The following LPP variants were observed in gnomAD, a reference collection of about 807,000 sequenced individuals.
The protein encoded by LPP is LIM domain containing preferred translocation partner in lipoma.
A neutral mutation model predicts 60.4 loss-of-function variants in LPP; 38 were observed. That is an observed-to-expected ratio of 0.63 (90% CI 0.49 to 0.83). LPP has a LOEUF of 0.83. Among genes scored for constraint, LPP ranks in the 40% least tolerant of loss-of-function variants. The pLI is 0.00. For synonymous variants in LPP, 328 were observed against 290.8 expected, an observed-to-expected ratio of 1.13 and a Z score of -1.30; for missense variants, 902 against 783.6, an observed-to-expected ratio of 1.15 and a Z score of -1.80.
chr3:188,204,153 C>T (rs996461564), intron 1 of LPP, among the ~76,000 whole-genome samples: 2 of 152,112 alleles, frequency 1.3e-5, no homozygotes, highest in African/African-American at 2.4e-5. Flanking sequence ...TTTGGAGGTA[C>T]AGCACAAGGC....
At position 188,606,450 on chromosome 3, in the gene LPP, T is replaced by C. The variant is rs577099434; in HGVS notation, c.430-2711T>C. ...AGCTCTTGGATAGAGTGGTATCTTT[T>C]TGTTTGGTTGGTTTTTGTGTTTTGT... On this transcript the variant is annotated intron_variant, in intron 6 of 11. Coordinates refer to ENST00000617246, the MANE Select transcript of LPP (RefSeq NM_001375462.1). 1.0e-3 allele frequency among the ~76,000 whole-genome samples: 157 copies of C among 152,260 alleles called. 3 individuals are homozygous for C. Among genetic ancestry groups the C allele is most frequent in the African/African-American group, 3.7e-3 (153 of 41,568 alleles).
At chr3:188,325,486 C>T (rs1758165601) in intron 2 of LPP, among the ~76,000 whole-genome samples, 1 of 152,150 alleles carries the variant, frequency 6.6e-6, no homozygotes, top group Non-Finnish European at 1.5e-5. Flanking sequence ...TAAAGTAGCA[C>T]ACATACCCCC....
At chr3:188,577,803 C>T (rs9863042) in intron 6 of LPP, among the ~76,000 whole-genome samples, 2,614 of 122,524 alleles carry the variant, frequency 0.021, 95 homozygotes, top group African/African-American at 0.072. Flanking sequence ...CCCTCCCTCC[C>T]TCCTTCCTCC....
At chr3:188,867,736 G>A (rs1332479130) in intron 10 of LPP, among the ~76,000 whole-genome samples, 1 of 152,214 alleles carries the variant, frequency 6.6e-6, no homozygotes, top group East Asian at 1.9e-4. Context: ...TTGCTGGGCA[G>A]TGGCTTTGAA....
At chr3:188,522,807 ATATATATATGTGTATGTGTG>A (rs1417364166) in intron 5 of LPP, among the ~76,000 whole-genome samples, 16 of 133,264 alleles carry the variant, frequency 1.2e-4, no homozygotes, top group Middle Eastern at 8.1e-3. Flanking sequence ...ATATATATAT[ATATATATATGTGTATGTGTG>A]TGTGTATGTG....
intron 4 of LPP, among the ~76,000 whole-genome samples, chr3:188,421,196 T>C (rs540039370): frequency 4.6e-5 from 7 of 152,288 alleles, no homozygotes; most frequent in African/African-American, 1.7e-4. Flanking sequence ...CTATTAACCA[T>C]GTATTTTTAT....
At chr3:188,808,549 A>G (rs1025100981) in intron 9 of LPP, among the ~76,000 whole-genome samples, 2 of 152,044 alleles carry the variant, frequency 1.3e-5, no homozygotes, top group Non-Finnish European at 2.9e-5. Flanking sequence ...CTTTATTCCA[A>G]AGGGACAATC....
At chr3:188,616,089 C>T (rs1844794651) in intron 7 of LPP, among the ~76,000 whole-genome samples, 1 of 152,062 alleles carries the variant, frequency 6.6e-6, no homozygotes, top group Non-Finnish European at 1.5e-5. Context: ...AGTTTAGTTA[C>T]ATCCCATTTG....
At chr3:188,705,698 A>T (rs1865352593) in intron 7 of LPP, among the ~76,000 whole-genome samples, 1 of 151,784 alleles carries the variant, frequency 6.6e-6, no homozygotes, top group Non-Finnish European at 1.5e-5. Context: ...TCTTGGCTCA[A>T]ACTGTACCAC....
intron 5 of LPP, among the ~76,000 whole-genome samples, chr3:188,517,395 C>T (rs1817664944): frequency 6.6e-6 from 1 of 152,178 alleles, no homozygotes; most frequent in Admixed American, 6.5e-5. Context: ...AAAATGATTA[C>T]ACTTTCAAGA....
At chr3:188,211,762 ATT>A (rs1734758224) in intron 1 of LPP, among the ~76,000 whole-genome samples, 2 of 151,678 alleles carry the variant, frequency 1.3e-5, no homozygotes, top group South Asian at 4.2e-4. Context: ...GCCAAATTAC[ATT>A]CTCAGGAGGA....
chr3:188,197,794 A>G (rs1729956542), intron 1 of LPP, among the ~76,000 whole-genome samples: 1 of 152,134 alleles, frequency 6.6e-6, no homozygotes, highest in South Asian at 2.1e-4. Flanking sequence ...ATCCTGTGAT[A>G]CCCAGAAAGC....
At chr3:188,164,122 G>A (rs1719228683) in intron 1 of LPP, among the ~76,000 whole-genome samples, 1 of 152,290 alleles carries the variant, frequency 6.6e-6, no homozygotes, top group South Asian at 2.1e-4. Flanking sequence ...CGCATGTGAA[G>A]GACTGATGGA....
intron 9 of LPP, among the ~76,000 whole-genome samples, chr3:188,860,141 A>T (rs1351926719): frequency 2.0e-5 from 3 of 151,996 alleles, no homozygotes; most frequent in African/African-American, 7.3e-5. Context: ...GTATAGGGTC[A>T]TTAGAACTAC....
At chr3:188,575,947 G>T (rs1834515710) in intron 6 of LPP, among the ~76,000 whole-genome samples, 1 of 152,236 alleles carries the variant, frequency 6.6e-6, no homozygotes, top group Admixed American at 6.5e-5. Flanking sequence ...TGAGCTTTCA[G>T]TAGTGAGTAG....
intron 2 of LPP, among the ~76,000 whole-genome samples, chr3:188,297,708 G>C (rs1379736125): frequency 6.6e-6 from 1 of 152,162 alleles, no homozygotes; most frequent in African/African-American, 2.4e-5. Context: ...ACTGGGGCTA[G>C]GTTTCATTAC....
chr3:188,240,863 G>C (rs1396788040), intron 2 of LPP, among the ~76,000 whole-genome samples: 1 of 152,168 alleles, frequency 6.6e-6, no homozygotes, highest in Admixed American at 6.5e-5. Context: ...CTCCCTATTG[G>C]CTATATTAAA....
chr3:188,624,253 A>G (rs1263758432), intron 7 of LPP, among the ~76,000 whole-genome samples: 1 of 152,214 alleles, frequency 6.6e-6, no homozygotes, highest in Non-Finnish European at 1.5e-5. Context: ...AAGAAATTAT[A>G]TCACCGTTGA....
In LPP at chr3:188,572,482, G is replaced by C. The variant is rs188487931; in HGVS notation, c.430-36679G>C. Among the ~76,000 whole-genome samples, 462 of 152,128 alleles carry C rather than the reference G, an allele frequency of 3.0e-3. No homozygotes were observed. The highest frequency in any genetic ancestry group is 7.3e-3 in the Admixed American group (111 of 15,264). ...CATTATTAGAGTTAAGGGTCCTAAG[G>C]CTTTTTAATGTGAGCAGAGTGCAAT... On this transcript the variant is annotated intron_variant, in intron 6 of 11. Coordinates refer to ENST00000617246, the MANE Select transcript of LPP (RefSeq NM_001375462.1). This position sits in a 1 kb window ranked among gnomAD's most constrained non-coding sequence, Gnocchi z 4.1.
Sources: allele counts gnomAD v4.1 joint callset (sites outside exome capture counted in the v4.1 genomes callset), GRCh38; gene constraint gnomAD v4.1.1; non-coding constraint Gnocchi (gnomAD v3.1); transcripts MANE v1.5; gene names NCBI Gene and HGNC (gene_info 2026-07-23, HGNC 2026-07-21).